Variants in COL18A1 observed in about 807,000 individuals in gnomAD.
The protein encoded by COL18A1 is collagen type XVIII alpha 1 chain.
A neutral mutation model predicts 168.0 loss-of-function variants in COL18A1; 133 were observed. That is an observed-to-expected ratio of 0.79 (90% CI 0.69 to 0.91). The LOEUF is 0.91. Among genes scored for constraint, COL18A1 ranks in the 40% least tolerant of loss-of-function variants. The pLI, the probability that COL18A1 is intolerant of heterozygous loss-of-function variation, is 0.00. For synonymous variants in COL18A1, 949 were observed against 809.0 expected (o/e 1.17, Z -2.94); for missense variants, 2,126 against 1,925.4 (o/e 1.10, Z -1.95).
intron 2 of COL18A1, among the ~76,000 whole-genome samples, chr21:45,430,209 A>G (rs1219344084): frequency 1.2e-4 from 15 of 126,122 alleles, no homozygotes; most frequent in Admixed American, 7.9e-4. Context: ...TCTTTCTAGC[A>G]CCCTCTCGCC....
Position 45,512,620 on chromosome 21 carries a change from A to T in COL18A1, c.*222A>T. 1 of 594,164 alleles carries T rather than the reference A, an allele frequency of 1.7e-6. No homozygotes were observed. The highest frequency in any genetic ancestry group is 2.0e-5 in the South Asian group (1 of 50,808). The allele number at this position is 594,164 out of a possible 1,614,324, so 36.8% of individuals were successfully genotyped here. A position where few individuals can be genotyped will look rare whatever the true frequency, so the allele number is the denominator to read the frequency against. ...CTGATGCTGACATTCACCTGCCCCA[A>T]CTCTCCCCTGACCTGTGAGCCCAGC... On this transcript the variant is annotated 3_prime_UTR_variant, in exon 42 of 42. Coordinates refer to ENST00000651438, the MANE Select transcript of COL18A1 (RefSeq NM_001379500.1).
intron 2 of COL18A1, among the ~76,000 whole-genome samples, chr21:45,452,928 CAT>C (rs1271001308): frequency 2.0e-5 from 3 of 150,790 alleles, no homozygotes; most frequent in Non-Finnish European, 4.4e-5. Flanking sequence ...TGAGTATTCA[CAT>C]GTGACATGTG....
At position 45,487,484 on chromosome 21, in the gene COL18A1, C is replaced by T. The variant is rs377286160; in HGVS notation, c.1871C>T (p.Thr624Ile). 25 of 1,613,136 alleles carry T rather than the reference C, an allele frequency of 1.5e-5. No individual in the cohort carries two copies. Among genetic ancestry groups the T allele is most frequent in the Middle Eastern group, 1.7e-4 (1 of 5,990 alleles). ...MEGSGGPFWSTARSADGPQGP... is the reference protein window; with the variant it reads ...MEGSGGPFWSIARSADGPQGP... Reference sequence around the variant, plus strand: ...GGCTCCGGGGGGCCCTTCTGGTCAACAGCCCGAAGCGCTGATGGGCCACAG... The same window carrying T: ...GGCTCCGGGGGGCCCTTCTGGTCAATAGCCCGAAGCGCTGATGGGCCACAG... Residue 624 changes from threonine (T) to isoleucine (I), a missense_variant, in exon 17 of 42, where the codon ACA becomes ATA. Thr to Ile is a moderately conservative substitution (Grantham distance 89, BLOSUM62 -1). Coordinates refer to ENST00000651438, the MANE Select transcript of COL18A1 (RefSeq NM_001379500.1).
intron 21 of COL18A1, 71 bp from the exon 22 acceptor site, chr21:45,491,154 G>C: frequency 7.3e-7 from 1 of 1,368,380 alleles, no homozygotes; most frequent in African/African-American, 1.4e-5. Flanking sequence ...CCCCTCCAGG[G>C]CTGGGTGGAC....
chr21:45,480,834 T>TC lies in COL18A1; in HGVS notation c.1593dup (p.Gly532ArgfsTer29), dbSNP rs778909108. On this transcript the variant is annotated frameshift_variant, in exon 13 of 42. Transcript: ENST00000651438. LOFTEE classifies it high-confidence loss of function. ...TTCCTGGTGTGCCTGGGCGCGAGGG[T>TC]CCCCCCGGGTTTCCTGGCCTCCCGG... 4 of 1,610,932 alleles carry TC rather than the reference T, an allele frequency of 2.5e-6. No homozygotes were observed. The highest frequency in any genetic ancestry group is 2.5e-6 in the Non-Finnish European group (3 of 1,179,428).
chr21:45,497,528 G>T, intron 31 of COL18A1, 71 bp from the exon 32 acceptor site: 1 of 1,543,232 alleles, frequency 6.5e-7, no homozygotes, highest in South Asian at 1.2e-5. Context: ...GGGCATTTCG[G>T]GCAGGAGGGG....
intron 2 of COL18A1, among the ~76,000 whole-genome samples, chr21:45,429,258 T>C (rs1484537834): frequency 6.6e-6 from 1 of 152,078 alleles, no homozygotes; most frequent in African/African-American, 2.4e-5. Context: ...TCTTTCCCTG[T>C]CTCCTTTCCT....
intron 26 of COL18A1, chr21:45,494,003 C>T (rs951302908): frequency 3.4e-5 from 9 of 261,178 alleles, no homozygotes; most frequent in African/African-American, 1.1e-4. Context: ...CCTGTGCCTG[C>T]GTCCCCACCC....
At chr21:45,462,814 T>G (rs1180034687) in intron 2 of COL18A1, among the ~76,000 whole-genome samples, 3 of 152,236 alleles carry the variant, frequency 2.0e-5, no homozygotes, top group Non-Finnish European at 4.4e-5. Flanking sequence ...TTTGTGTGCC[T>G]TGTGATTTTG....
At chr21:45,475,446 C>T (rs1254507935) in intron 4 of COL18A1, 30 bp from the exon 5 acceptor site, 6 of 1,572,056 alleles carry the variant, frequency 3.8e-6, no homozygotes, top group Non-Finnish European at 5.2e-6. Context: ...GCTGCCATCT[C>T]TCCAGCCTTT....
intron 37 of COL18A1, chr21:45,506,767 G>GAGCCCTCCCACCTTCCTTCTA (rs2146095307): frequency 3.3e-5 from 1 of 30,660 alleles, no homozygotes; most frequent in African/African-American, 1.5e-4. Context: ...CCTTCCCTCT[G>GAGCCCTCCCACCTTCCTTCTA]GAACCCTCCC....
chr21:45,511,215 G>A lies in COL18A1; in HGVS notation c.3798G>A (p.Arg1266=). The change falls in exon 41 of 42, where the codon AGG becomes AGA. Residue 1266 remains arginine (R), a synonymous_variant. Coordinates refer to ENST00000651438, the MANE Select transcript of COL18A1 (RefSeq NM_001379500.1). ...CCTTTGACGGCAAGGACGTCCTGAG[G>A]CACCCCACCTGGTAGGTTCCCAGTG... ...IFSFDGKDVL[R]HPTWPQKSVW... is the part of the protein sequence containing the mutation. The A allele has an allele frequency of 6.3e-7, 1 of 1,576,484 alleles. No individual in the cohort carries two copies. The highest frequency in any genetic ancestry group is 2.3e-5 in the East Asian group (1 of 43,378).
chr21:45,452,862 T>G (rs1202053730), intron 2 of COL18A1, among the ~76,000 whole-genome samples: 1 of 151,818 alleles, frequency 6.6e-6, no homozygotes, highest in Middle Eastern at 3.4e-3. Context: ...TGTGTGGGGC[T>G]TGTGTATGCA....
chr21:45,498,278 G>A lies in COL18A1; in HGVS notation c.2683+617G>A. The A allele has an allele frequency of 1.4e-6, 1 of 707,430 alleles. No homozygotes were observed. The highest frequency in any genetic ancestry group is 1.5e-5 in the South Asian group (1 of 67,550). 43.8% of individuals were successfully genotyped at this position (707,430 alleles called of 1,614,324 possible). A position where few individuals can be genotyped will look rare whatever the true frequency, so the allele number is the denominator to read the frequency against. On this transcript the variant is annotated intron_variant, in intron 32 of 41. Coordinates refer to ENST00000651438, the MANE Select transcript of COL18A1 (RefSeq NM_001379500.1). This position sits in a 1 kb window ranked among gnomAD's most constrained non-coding sequence, Gnocchi z 4.5. ...GCCCAGAGAGCCAGGCTAGCCTCGG[G>A]CGCCTTTCACCACCAGGGTCCCCTC...
chr21:45,511,762 G>T (rs1461424902), intron 41 of COL18A1, among the ~76,000 whole-genome samples: 2 of 152,210 alleles, frequency 1.3e-5, no homozygotes, highest in African/African-American at 4.8e-5. Context: ...CTGGCCATCT[G>T]CTGTAACGGA....
chr21:45,434,367 G>T (rs1028626955), intron 2 of COL18A1, among the ~76,000 whole-genome samples: 29 of 152,124 alleles, frequency 1.9e-4, no homozygotes, highest in African/African-American at 7.0e-4. Context: ...CAGAAACCAG[G>T]TACCTTTCCC....
At chr21:45,486,765 G>A in intron 15 of COL18A1, 96 bp from the exon 16 acceptor site, 2 of 1,364,928 alleles carry the variant, frequency 1.5e-6, no homozygotes, top group Non-Finnish European at 2.0e-6. Flanking sequence ...GATTTGCAGG[G>A]TTTAGAAAGC....
At chr21:45,464,241 C>T in intron 2 of COL18A1, among the ~76,000 whole-genome samples, 1 of 152,226 alleles carries the variant, frequency 6.6e-6, no homozygotes, top group Non-Finnish European at 1.5e-5. Context: ...CTCCCGTTTT[C>T]ATCTCTTCCT....
chr21:45,479,078 C>CGT lies in COL18A1; in HGVS notation c.1248+729_1248+730dup, dbSNP rs3831204. On this transcript the variant is annotated intron_variant, in intron 9 of 41. Transcript: ENST00000651438. Reference sequence around the variant, plus strand: ...CCCACTGCAACAGGGTACACGCACGCGTGTGAGTGTGGGGTGATGATCCAC... The same window carrying CGT: ...CCCACTGCAACAGGGTACACGCACGCGTGTGTGAGTGTGGGGTGATGATCCAC... Among the ~76,000 whole-genome samples the CGT allele has an allele frequency of 6.6e-5, 10 of 151,920 alleles. No homozygotes were observed. The South Asian group carries it at 1.7e-3, about 25-fold the overall frequency.
Sources: allele counts gnomAD v4.1 joint callset (sites outside exome capture counted in the v4.1 genomes callset), GRCh38; gene constraint gnomAD v4.1.1; non-coding constraint Gnocchi (gnomAD v3.1); transcripts MANE v1.5; gene names NCBI Gene and HGNC (gene_info 2026-07-23, HGNC 2026-07-21).